Variants in CAMKK1 observed in about 807,000 individuals in gnomAD.
CAMKK1 encodes the protein calcium/calmodulin-dependent protein kinase kinase 1.
Under a neutral mutation model 63.5 loss-of-function variants are expected in CAMKK1, and 20 were observed. The ratio of observed to expected loss-of-function variants is 0.32; its 90% confidence interval spans 0.22 to 0.46. CAMKK1 has a LOEUF of 0.46. CAMKK1 is among the 20% of genes least tolerant of loss of function. CAMKK1 has a pLI of 1.00. For missense variants in CAMKK1, 588 were observed against 658.1 expected (o/e 0.89, Z 1.17); for synonymous variants, 253 against 269.0 (o/e 0.94, Z 0.58).
intron 14 of CAMKK1, among the ~76,000 whole-genome samples, chr17:3,867,948 C>T (rs1468272429): frequency 6.6e-6 from 1 of 151,074 alleles, no homozygotes; most frequent in Non-Finnish European, 1.5e-5. Context: ...GAGACACAGG[C>T]ACTGTCTAAT....
chr17:3,872,933 G>C (rs569460696), intron 11 of CAMKK1, among the ~76,000 whole-genome samples: 133 of 152,320 alleles, frequency 8.7e-4, no homozygotes, highest in African/African-American at 3.0e-3. Context: ...CCAGGGCCTG[G>C]GGCTTGGGAA....
intron 12 of CAMKK1, among the ~76,000 whole-genome samples, chr17:3,871,362 T>TTTTTTTTTTTTTTG (rs2054856573): frequency 8.2e-6 from 1 of 121,346 alleles, no homozygotes; most frequent in African/African-American, 3.5e-5. Flanking sequence ...TTTTTTTTTT[T>TTTTTTTTTTTTTTG]TTTTTTTTTT....
rs201417364 is a variant in CAMKK1 at position 3,869,798 on chromosome 17, G to A, written c.1212+3C>T. The A allele has an allele frequency of 7.7e-5, 124 of 1,613,944 alleles. No individual in the cohort carries two copies. The African/African-American group carries it at 1.2e-3, about 15-fold the overall frequency. On this transcript the variant is annotated splice_donor_region_variant and intron_variant, in intron 13 of 15. Coordinates refer to ENST00000348335, the MANE Select transcript of CAMKK1 (RefSeq NM_032294.3). ...CCCAGCCCAAGACCCCCAGTTCCCC[G>A]ACCTTGATGTCTGGCACCCCAATTC...
chr17:3,868,945 G>A (rs562346588), intron 14 of CAMKK1, among the ~76,000 whole-genome samples: 138 of 149,816 alleles, frequency 9.2e-4, no homozygotes, highest in Non-Finnish European at 1.3e-3. Flanking sequence ...GAGCCACCGC[G>A]CCCGGTATTT....
At position 3,885,651 on chromosome 17, in the gene CAMKK1, G is replaced by T; in HGVS notation, c.37C>A (p.Arg13=). The change falls in exon 2 of 16, where the codon CGG becomes AGG. Residue 13 remains arginine, a synonymous_variant. Coordinates refer to ENST00000348335, the MANE Select transcript of CAMKK1 (RefSeq NM_032294.3). ...GCCACCCGTTCTACCAGCTCTGCCC[G>T]AGGATCCTGGCAGCAGACAGCTGGA... ...GGPAVCCQDP[R]AELVERVAAI... 6.2e-7 allele frequency: 1 copy of T among 1,613,678 alleles called. No individual in the cohort carries two copies. The highest frequency in any genetic ancestry group is 8.5e-7 in the Non-Finnish European group (1 of 1,180,018).
At chr17:3,877,753 G>A (rs1257704809) in intron 9 of CAMKK1, among the ~76,000 whole-genome samples, 1 of 152,126 alleles carries the variant, frequency 6.6e-6, no homozygotes, top group Non-Finnish European at 1.5e-5. Context: ...AAGCTCAGGG[G>A]GGTGGATATT....
intron 1 of CAMKK1, among the ~76,000 whole-genome samples, chr17:3,888,603 G>A (rs2055760446): frequency 6.6e-6 from 1 of 152,254 alleles, no homozygotes; most frequent in South Asian, 2.1e-4. Flanking sequence ...TGCCACTAAG[G>A]AGGCCGTAAA....
At chr17:3,866,107 G>A (rs1597439306) in intron 14 of CAMKK1, 96 bp from the exon 15 acceptor site, 22 of 1,440,524 alleles carry the variant, frequency 1.5e-5, no homozygotes, top group South Asian at 9.8e-5. Flanking sequence ...CAAGGGGGCC[G>A]CAGTGCGGGT....
Position 3,883,815 on chromosome 17 carries a change from C to G in CAMKK1, c.462+69G>C. 3 of 1,517,934 alleles carry G rather than the reference C, an allele frequency of 2.0e-6. No individual in the cohort carries two copies. The highest frequency in any genetic ancestry group is 2.7e-6 in the Non-Finnish European group (3 of 1,094,648). The allele number at this position is 1,517,934 out of a possible 1,614,324, so 94.0% of individuals were successfully genotyped here. ...CCTGTCCTCTATCTCCTAAGCACAA[C>G]TCCTGCCCCACCCCTCAGGCTTCCA... is the stretch of plus-strand genomic sequence containing the variant. On this transcript the variant is annotated intron_variant, in intron 4 of 15. Transcript: ENST00000348335. This position sits in a 1 kb window ranked among gnomAD's most constrained non-coding sequence, Gnocchi z 4.7.
At chr17:3,880,164 G>T in intron 9 of CAMKK1, 182 bp downstream of exon 9, 1 of 513,456 alleles carries the variant, frequency 1.9e-6, no homozygotes, top group Non-Finnish European at 3.6e-6. Flanking sequence ...GGAGTCCACC[G>T]CCCGCCCCAC....
Position 3,862,258 on chromosome 17 carries a change from T to C in CAMKK1, c.1471A>G (p.Lys491Glu), listed in dbSNP as rs1427927230. 1 of 1,589,828 alleles carries C rather than the reference T, an allele frequency of 6.3e-7. No homozygotes were observed. The highest frequency in any genetic ancestry group is 1.7e-4 in the Middle Eastern group (1 of 6,032). Residue 491 changes from lysine to glutamate, a missense_variant, in exon 16 of 16, where the codon AAG becomes GAG. By Grantham distance (56) the Lys-to-Glu change is moderately conservative. This residue lies in a region of CAMKK1 where 226 missense variants were observed against 229.2 expected (regional missense o/e 0.99). Transcript: ENST00000348335. This position sits in a 1 kb window ranked among gnomAD's most constrained non-coding sequence, Gnocchi z 4.1. ...LVKEGFGEGGKSPELPGVQED... is the reference protein window; with the variant it reads ...LVKEGFGEGGESPELPGVQED... The stretch of plus-strand genomic sequence containing the variant: ...TGGACGCCGGGGAGCTCTGGGCTCT[T>C]GCCCCCTTCACCAAACCCTTCTTTC...
chr17:3,891,637 G>C (rs1365570349), intron 1 of CAMKK1, among the ~76,000 whole-genome samples: 8 of 152,194 alleles, frequency 5.3e-5, no homozygotes, highest in Admixed American at 5.2e-4. Flanking sequence ...AGCAAGAGGA[G>C]TTACATCTGG....
rs756267627 is a variant in CAMKK1 at position 3,876,310 on chromosome 17, G to C, written c.909C>G (p.Asn303Lys). 1 of 1,614,216 alleles carries C rather than the reference G, an allele frequency of 6.2e-7. No homozygotes were observed. The highest frequency in any genetic ancestry group is 1.1e-5 in the South Asian group (1 of 91,082). Residue 303 changes from asparagine to lysine, a missense_variant, in exon 10 of 16, where the codon AAC becomes AAG. By Grantham distance (94) the Asn-to-Lys change is moderately conservative (BLOSUM62 0). This residue lies in a region of CAMKK1 where 357 missense variants were observed against 407.4 expected (regional missense o/e 0.88). Coordinates refer to ENST00000348335, the MANE Select transcript of CAMKK1 (RefSeq NM_032294.3). The part of the protein sequence containing the change: ...DFGVSNQFEG[N>K]DAQLSSTAGT... ...CCGCCGTGCTGGACAGCTGAGCGTC[G>C]TTCCCCTCAAACTGGTTGCTGACGC...
intron 1 of CAMKK1, among the ~76,000 whole-genome samples, chr17:3,891,457 T>C (rs1288315419): frequency 6.6e-6 from 1 of 152,088 alleles, no homozygotes; most frequent in African/African-American, 2.4e-5. Context: ...AGCAGACACC[T>C]GAAGGAAGGA....
At position 3,889,668 on chromosome 17, in the gene CAMKK1, G is replaced by A. The variant is rs763620156; in HGVS notation, c.-44+3271C>T. Among the ~76,000 whole-genome samples the A allele has an allele frequency of 1.2e-4, 19 of 152,270 alleles. No homozygotes were observed. Among genetic ancestry groups the A allele is most frequent in the Non-Finnish European group, 2.5e-4 (17 of 68,002 alleles). ...CGTCCAAGAGAGCCTTGATGTGCAA[G>A]GTCCAACCCCACCTCTGCCCCCAGC... On this transcript the variant is annotated intron_variant, in intron 1 of 15. Coordinates refer to ENST00000348335, the MANE Select transcript of CAMKK1 (RefSeq NM_032294.3). This position sits in a 1 kb window ranked among gnomAD's most constrained non-coding sequence, Gnocchi z 5.2.
intron 14 of CAMKK1, among the ~76,000 whole-genome samples, chr17:3,867,543 C>T (rs943835541): frequency 7.2e-5 from 11 of 152,106 alleles, no homozygotes; most frequent in Non-Finnish European, 1.3e-4. Context: ...AAGCAAGGGA[C>T]AGCGTGGGAG....
At chr17:3,875,925 G>A (rs1048661152) in intron 10 of CAMKK1, among the ~76,000 whole-genome samples, 19 of 152,106 alleles carry the variant, frequency 1.2e-4, no homozygotes, top group Middle Eastern at 3.2e-3. Context: ...AACTTCCCCC[G>A]AAACCATCCA....
In CAMKK1 at chr17:3,885,348, C is replaced by T. The variant is rs1266857315; in HGVS notation, c.340G>A (p.Val114Met). ...WRRPTIESHHVAISDAEDCVQ... is the reference protein window; with the variant it reads ...WRRPTIESHHMAISDAEDCVQ... The stretch of plus-strand genomic sequence containing the variant: ...CCAACCTCTGCATCTGAGATGGCCA[C>T]GTGGTGGGACTCGATGGTGGGCCTC... The change falls in exon 2 of 16, where the codon GTG (valine) becomes ATG (methionine). Residue 114 changes from valine (V) to methionine (M), a missense_variant. This residue lies in a region of CAMKK1 where 357 missense variants were observed against 407.4 expected (regional missense o/e 0.88). Transcript: ENST00000348335. 7.5e-6 allele frequency: 12 copies of T among 1,599,238 alleles called. No individual in the cohort carries two copies. The highest frequency in any genetic ancestry group is 9.4e-6 in the Non-Finnish European group (11 of 1,170,696).
rs1195408190 is a variant in CAMKK1, at chr17:3,892,358, C to G, written c.-44+581G>C. Among the ~76,000 whole-genome samples the G allele has an allele frequency of 1.3e-5, 2 of 152,292 alleles. No homozygotes were observed. The highest frequency in any genetic ancestry group is 1.9e-4 in the East Asian group (1 of 5,180). On this transcript the variant is annotated intron_variant, in intron 1 of 15. Coordinates refer to ENST00000348335, the MANE Select transcript of CAMKK1 (RefSeq NM_032294.3). This position sits in a 1 kb window ranked among gnomAD's most constrained non-coding sequence, Gnocchi z 7.5. ...TCCAAACAGCACACGCAGGTCCCTG[C>G]GCACGTGGACACCCCCCCAGCCACC...
Sources: allele counts gnomAD v4.1 joint callset (sites outside exome capture counted in the v4.1 genomes callset), GRCh38; gene constraint gnomAD v4.1.1; regional missense constraint gnomAD v4.1.1; non-coding constraint Gnocchi (gnomAD v3.1); transcripts MANE v1.5; gene names NCBI Gene and HGNC (gene_info 2026-07-23, HGNC 2026-07-21).